COL12A1: variants seen among roughly 807,000 people sequenced by gnomAD.
COL12A1 encodes collagen type XII alpha 1 chain, also known as collagen alpha-1(XII) chain.
Under a neutral mutation model 349.7 loss-of-function variants are expected in COL12A1, and 114 were observed. That is an observed-to-expected ratio of 0.33 (90% CI 0.28 to 0.38). The LOEUF is 0.38. COL12A1 is among the 10% of genes least tolerant of loss of function. The pLI is 1.00. For missense variants in COL12A1, 3,284 were observed against 3,756.9 expected, an observed-to-expected ratio of 0.87 and a Z score of 3.29; for synonymous variants, 1,369 against 1,329.0, an observed-to-expected ratio of 1.03 and a Z score of -0.66.
intron 2 of COL12A1, among the ~76,000 whole-genome samples, chr6:75,198,416 T>C (rs1432685679): frequency 1.3e-5 from 2 of 151,356 alleles, no homozygotes; most frequent in East Asian, 1.9e-4. Context: ...CTGATTTATA[T>C]ATACATACAT....
chr6:75,134,142 C>T, intron 32 of COL12A1, 145 bp from the exon 33 acceptor site: 1 of 855,150 alleles, frequency 1.2e-6, no homozygotes, highest in Non-Finnish European at 1.8e-6. Context: ...ACGACACACA[C>T]TGTGTCCGCG....
At chr6:75,148,520 T>C in intron 21 of COL12A1, 23 bp from the exon 22 acceptor site, 1 of 1,599,248 alleles carries the variant, frequency 6.3e-7, no homozygotes, top group South Asian at 1.1e-5. Context: ...ATAAAGGGTA[T>C]ACACTTTTCT....
chr6:75,193,863 GAT>G (rs1277586019), intron 3 of COL12A1, among the ~76,000 whole-genome samples: 1 of 152,152 alleles, frequency 6.6e-6, no homozygotes, highest in Non-Finnish European at 1.5e-5. Context: ...TGCTAAGAAT[GAT>G]GGTTTCCAGC....
At chr6:75,172,188 T>C (rs1768673178) in intron 13 of COL12A1, among the ~76,000 whole-genome samples, 1 of 152,210 alleles carries the variant, frequency 6.6e-6, no homozygotes, top group South Asian at 2.1e-4. Context: ...TGATACCACT[T>C]GTGAAGAGCT....
intron 14 of COL12A1, 133 bp from the exon 15 acceptor site, chr6:75,156,656 T>A: frequency 1.2e-6 from 1 of 866,216 alleles, no homozygotes; most frequent in African/African-American, 1.7e-5. Flanking sequence ...AGCATTGTAA[T>A]CTCTCATAAA....
At chr6:75,106,816 C>G (rs535866087) in intron 52 of COL12A1, among the ~76,000 whole-genome samples, 2 of 148,984 alleles carry the variant, frequency 1.3e-5, no homozygotes, top group African/African-American at 4.9e-5. Context: ...TGATTCACCT[C>G]TTTGGCTGAA....
In COL12A1 at chr6:75,095,478, G is replaced by A. The variant is rs539330116; in HGVS notation, c.8578-299C>T. ...TAAAAATACAAAAAATTAGCCAGGC[G>A]CGGTGGCGGGCGCCTGTAGTCCCAG... On this transcript the variant is annotated intron_variant, in intron 59 of 65. Transcript: ENST00000322507. Among the ~76,000 whole-genome samples, 9 of 151,696 alleles carry A rather than the reference G, an allele frequency of 5.9e-5. No individual in the cohort carries two copies. In the South Asian group the frequency reaches 1.2e-3, roughly 21 times the overall value.
chr6:75,104,281 G>A (rs1016133708), intron 54 of COL12A1, among the ~76,000 whole-genome samples: 2 of 152,002 alleles, frequency 1.3e-5, no homozygotes, highest in African/African-American at 4.8e-5. Flanking sequence ...TACTACAGGG[G>A]AAAAAATCCC....
intron 2 of COL12A1, among the ~76,000 whole-genome samples, chr6:75,201,864 C>T (rs901359357): frequency 6.8e-6 from 1 of 147,574 alleles, no homozygotes; most frequent in African/African-American, 2.7e-5. Context: ...AGGGGCCACA[C>T]GGCGCCGTTT....
rs1262241303 is a variant in COL12A1 at position 75,134,796 on chromosome 6, A to G, written c.5454T>C (p.Pro1818=). 5 of 1,613,328 alleles carry G rather than the reference A, an allele frequency of 3.1e-6. No homozygotes were observed. The African/African-American group carries it at 5.3e-5, about 17-fold the overall frequency. ...VVLQKLKPDT[P]YTITVSSLYP... ...ACAGAGAGGATACGGTGATAGTGTA[A>G]GGAGTGTCTGGCTTCAGTTTCTGCA... The change falls in exon 32 of 66, where the codon CCT becomes CCC. Residue 1818 remains proline (P), a synonymous_variant. Transcript: ENST00000322507.
chr6:75,117,357 T>TA, intron 47 of COL12A1, 25 bp downstream of exon 47: 1 of 1,609,878 alleles, frequency 6.2e-7, no homozygotes, highest in Non-Finnish European at 8.5e-7. Flanking sequence ...AGTGAGGTTA[T>TA]AGATCCATGT....
chr6:75,138,736 C>T, intron 28 of COL12A1, 86 bp downstream of exon 28: 2 of 1,576,690 alleles, frequency 1.3e-6, no homozygotes, highest in South Asian at 1.2e-5. Flanking sequence ...TTATTGACAA[C>T]AAGAGTAATA....
rs1322092033 is a variant in COL12A1 at position 75,105,237 on chromosome 6, C to G, written c.8234G>C (p.Ser2745Thr). ...GCCTGGAGGTCCTGGAGGTCCAACG[C>G]TGTCCTGTGTACATGTGCAAGAATT... ...FPNSCTCTQDSVGPPGPPGPA... is the reference protein window; with the variant it reads ...FPNSCTCTQDTVGPPGPPGPA... Residue 2745 changes from serine (S) to threonine (T), a missense_variant, in exon 54 of 66, where the codon AGC (serine) becomes ACC (threonine). Physicochemically the swap from Ser to Thr is moderately conservative, Grantham distance 58. Transcript: ENST00000322507. The G allele has an allele frequency of 6.2e-7, 1 of 1,613,876 alleles. No homozygotes were observed. The highest frequency in any genetic ancestry group is 1.1e-5 in the South Asian group (1 of 91,060).
chr6:75,123,323 T>C lies in COL12A1; in HGVS notation c.6946+7A>G, dbSNP rs1255386639. 5.5e-5 allele frequency: 88 copies of C among 1,607,532 alleles called. No individual in the cohort carries two copies. Among genetic ancestry groups the C allele is most frequent in the Non-Finnish European group, 7.5e-5 (88 of 1,176,626 alleles). On this transcript the variant is annotated splice_region_variant and intron_variant, in intron 43 of 65. Coordinates refer to ENST00000322507, the MANE Select transcript of COL12A1 (RefSeq NM_004370.6). ...GCTGAACGTATTGCCTATTTAGCTG[T>C]ACTTACCATCCCGGGCTGGTGGAAT...
rs1766924652 is a variant in COL12A1, at chr6:75,142,139, G to T, written c.4850C>A (p.Thr1617Asn). 1 of 1,614,118 alleles carries T rather than the reference G, an allele frequency of 6.2e-7. No homozygotes were observed. ...GAAGAGGTCTTTGAGGGAAGTGCTGGTCTCTGATCTGTCCACCTCTACCTA... is the reference window on the plus strand; with the variant it reads ...GAAGAGGTCTTTGAGGGAAGTGCTGTTCTCTGATCTGTCCACCTCTACCTA... ...VKEVEVDRSE[T>N]STSLKDLFSQ... Residue 1617 changes from threonine (T) to asparagine (N), a missense_variant, in exon 27 of 66, where the codon ACC (threonine) becomes AAC (asparagine). Thr to Asn is a moderately conservative substitution (Grantham distance 65). Around this residue, in one of 2 missense-constraint regions of COL12A1, gnomAD observed 2,601 missense variants for 2,824.8 expected, o/e 0.92. Transcript: ENST00000322507.
intron 8 of COL12A1, among the ~76,000 whole-genome samples, chr6:75,184,677 G>A (rs1264246280): frequency 1.3e-5 from 2 of 151,868 alleles, no homozygotes; most frequent in East Asian, 3.9e-4. Flanking sequence ...CTAGTTTCAG[G>A]GTAAGAAAAA....
At chr6:75,178,738 C>T (rs1272545353) in intron 11 of COL12A1, among the ~76,000 whole-genome samples, 9 of 152,262 alleles carry the variant, frequency 5.9e-5, no homozygotes, top group East Asian at 5.8e-4. Flanking sequence ...TAGCACAACA[C>T]GCCTGGCAAA....
Position 75,192,204 on chromosome 6 carries a change from G to A in COL12A1, c.334+8C>T, listed in dbSNP as rs1359112911. ...TATACAAATATTTTATTTTATATGT[G>A]TGCTTACTTGTTAGTTGTCCTATAA... is the stretch of plus-strand genomic sequence containing the variant. On this transcript the variant is annotated splice_region_variant and intron_variant, in intron 4 of 65. Coordinates refer to ENST00000322507, the MANE Select transcript of COL12A1 (RefSeq NM_004370.6). The A allele has an allele frequency of 5.8e-6, 9 of 1,540,500 alleles. No individual in the cohort carries two copies. The highest frequency in any genetic ancestry group is 7.9e-6 in the Non-Finnish European group (9 of 1,138,104).
At chr6:75,184,190 C>A in intron 8 of COL12A1, 46 bp from the exon 9 acceptor site, 1 of 1,571,570 alleles carries the variant, frequency 6.4e-7, no homozygotes, top group Non-Finnish European at 8.6e-7. Flanking sequence ...TGAGATGTAA[C>A]CTTACTAATT....
Sources: gnomAD v4.1 joint callset for allele counts (sites outside exome capture counted in the v4.1 genomes callset) on GRCh38, gnomAD v4.1.1 for gene constraint, gnomAD v4.1.1 regional missense constraint, MANE v1.5 for transcripts, NCBI Gene and HGNC (gene_info 2026-07-23, HGNC 2026-07-21) for gene names.